The following ZNF234 variants were observed in gnomAD, a reference collection of about 807,000 sequenced individuals.
ZNF234 encodes C2-H2 type zinc finger protein.
In ZNF234, 4 loss-of-function variants were observed where a neutral mutation model predicts 10.3. The ratio of observed to expected loss-of-function variants is 0.39; its 90% confidence interval spans 0.19 to 0.89. ZNF234 has a LOEUF of 0.89. Among genes scored for constraint, ZNF234 ranks in the 40% least tolerant of loss-of-function variants. The probability of loss-of-function intolerance (pLI) is 0.38; values close to 1 mark genes in which losing one functional copy is unlikely to be tolerated. For synonymous variants in ZNF234, 258 were observed against 280.1 expected, an observed-to-expected ratio of 0.92 and a Z score of 0.79; for missense variants, 711 against 836.1, an observed-to-expected ratio of 0.85 and a Z score of 1.85.
chr19:44,146,164 G>A (rs934085854), intron 3 of ZNF234, among the ~76,000 whole-genome samples: 1 of 152,278 alleles, frequency 6.6e-6, no homozygotes, highest in Non-Finnish European at 1.5e-5. Flanking sequence ...GGGTGATAAC[G>A]TCCACAGGTA....
chr19:44,149,256 AT>A (rs1267573565), intron 4 of ZNF234, among the ~76,000 whole-genome samples: 1 of 152,064 alleles, frequency 6.6e-6, no homozygotes, highest in Non-Finnish European at 1.5e-5. Context: ...CCTGGCCAAC[AT>A]GATGAAACTC....
intron 4 of ZNF234, among the ~76,000 whole-genome samples, chr19:44,150,172 C>T (rs1332571836): frequency 6.6e-6 from 1 of 152,184 alleles, no homozygotes; most frequent in Non-Finnish European, 1.5e-5. Context: ...AGACCCTTCC[C>T]TTGCTGTCTA....
In ZNF234 at chr19:44,158,030, A is replaced by T. The variant is rs1968950982; in HGVS notation, c.2014A>T (p.Lys672Ter). 11 of 1,613,940 alleles carry T rather than the reference A, an allele frequency of 6.8e-6. No individual in the cohort carries two copies. The East Asian group carries it at 2.5e-4, about 36-fold the overall frequency. ...SWRSNLVSHHKIHAAGTFYEN... is the reference protein window; with the variant it reads ...SWRSNLVSHH ...GCGATCAAATCTTGTAAGTCATCAC[A>T]AAATTCATGCTGCTGGTACATTTTA... Residue 672 changes from lysine to a stop codon, truncating the protein, a stop_gained, in exon 6 of 6, where the codon AAA becomes TAA. Transcript: ENST00000426739. LOFTEE classifies it low-confidence loss of function (END_TRUNC).
At chr19:44,147,367 C>T (rs1160415729) in intron 3 of ZNF234, among the ~76,000 whole-genome samples, 1 of 151,516 alleles carries the variant, frequency 6.6e-6, no homozygotes, top group African/African-American at 2.4e-5. Flanking sequence ...CTCCTGAGTA[C>T]CTGGGACCAC....
intron 5 of ZNF234, among the ~76,000 whole-genome samples, chr19:44,152,409 T>A (rs1968764432): frequency 6.6e-6 from 1 of 152,188 alleles, no homozygotes; most frequent in African/African-American, 2.4e-5. Flanking sequence ...CTAGGACAGG[T>A]CATACACAAA....
At chr19:44,149,063 T>C (rs1968670854) in intron 4 of ZNF234, among the ~76,000 whole-genome samples, 166 bp downstream of exon 4, 1 of 152,202 alleles carries the variant, frequency 6.6e-6, no homozygotes, top group South Asian at 2.1e-4. Flanking sequence ...ATATCAGAGT[T>C]CACTAAAATT....
At position 44,157,842 on chromosome 19, in the gene ZNF234, C is replaced by T; in HGVS notation, c.1826C>T (p.Ser609Leu). The T allele has an allele frequency of 6.2e-7, 1 of 1,614,132 alleles. No individual in the cohort carries two copies. Among genetic ancestry groups the T allele is most frequent in the Non-Finnish European group, 8.5e-7 (1 of 1,180,028 alleles). The part of the protein sequence containing the change: ...GECGKHFSQA[S>L]SLQLHQSVHT... ...TGTGGGAAGCACTTCAGTCAGGCCT[C>T]AAGTCTCCAACTTCATCAGAGTGTC... Residue 609 changes from serine to leucine, a missense_variant, in exon 6 of 6, where the codon TCA becomes TTA. Transcript: ENST00000426739.
In ZNF234 at chr19:44,157,529, A is replaced by T; in HGVS notation, c.1513A>T (p.Ile505Phe). The change falls in exon 6 of 6, where the codon ATC (isoleucine) becomes TTC (phenylalanine). Residue 505 changes from isoleucine to phenylalanine, a missense_variant. By Grantham distance (21) the Ile-to-Phe change is conservative. Transcript: ENST00000426739. The part of the protein sequence containing the change: ...RRADLKIHCR[I>F]HTGEKPYNCE... ...AGCAGATCTTAAAATTCATTGTAGG[A>T]TCCACACAGGGGAGAAACCATATAA... 3.1e-6 allele frequency: 5 copies of T among 1,613,680 alleles called. No homozygotes were observed. Among genetic ancestry groups the T allele is most frequent in the Non-Finnish European group, 4.2e-6 (5 of 1,179,882 alleles).
At chr19:44,151,966 G>A (rs780607019) in intron 5 of ZNF234, among the ~76,000 whole-genome samples, 1 of 152,154 alleles carries the variant, frequency 6.6e-6, no homozygotes, top group Non-Finnish European at 1.5e-5. Flanking sequence ...ATTAGAACGT[G>A]GATTCTTTGG....
chr19:44,153,069 C>T (rs1599699423), intron 5 of ZNF234, among the ~76,000 whole-genome samples: 2 of 150,938 alleles, frequency 1.3e-5, no homozygotes, highest in South Asian at 2.1e-4. Context: ...GAAGAAACTT[C>T]TTGCTCAAAA....
At chr19:44,148,687 C>T (rs575006899) in intron 3 of ZNF234, 84 bp from the exon 4 acceptor site, 5 of 1,587,864 alleles carry the variant, frequency 3.1e-6, no homozygotes, top group Non-Finnish European at 4.3e-6. Flanking sequence ...ACCAGCTCCC[C>T]CTACATACTC....
chr19:44,144,818 G>A (rs1968552273), intron 3 of ZNF234, among the ~76,000 whole-genome samples, 171 bp downstream of exon 3: 1 of 152,120 alleles, frequency 6.6e-6, no homozygotes, highest in Non-Finnish European at 1.5e-5. Context: ...TATTTCAGTT[G>A]ACCTTCTGTA....
Position 44,156,811 on chromosome 19 carries a change from T to C in ZNF234, c.795T>C (p.Cys265=). 2 of 1,609,430 alleles carry C rather than the reference T, an allele frequency of 1.2e-6. No individual in the cohort carries two copies. Among genetic ancestry groups the C allele is most frequent in the Middle Eastern group, 3.3e-4 (2 of 6,034 alleles). The change falls in exon 6 of 6, where the codon TGT becomes TGC. Residue 265 remains cysteine, a synonymous_variant. Coordinates refer to ENST00000426739, the MANE Select transcript of ZNF234 (RefSeq NM_006630.3). Reference sequence around the variant, plus strand: ...AGAAACCTTACAATTGTGAGGAATGTGGAAGGGCCTTCATACATGCTTCCC... The same window carrying C: ...AGAAACCTTACAATTGTGAGGAATGCGGAAGGGCCTTCATACATGCTTCCC... The part of the protein sequence containing the change: ...SGEKPYNCEE[C]GRAFIHASHL...
intron 5 of ZNF234, among the ~76,000 whole-genome samples, chr19:44,154,177 G>A (rs1968815376): frequency 2.0e-5 from 3 of 152,178 alleles, no homozygotes; most frequent in Admixed American, 2.0e-4. Flanking sequence ...CATCCATCTC[G>A]CTATCTGGGA....
rs376282922 is a variant in ZNF234, at chr19:44,157,267, G to A, written c.1251G>A (p.Val417=). The A allele has an allele frequency of 2.5e-6, 4 of 1,613,836 alleles. No individual in the cohort carries two copies. The African/African-American group carries it at 5.3e-5, about 22-fold the overall frequency. Reference sequence around the variant, plus strand: ...TCAGAATGAAAATTCATTATCAAGTGCATCTGGTAGTCCACACAGGGGAAA... The same window carrying A: ...TCAGAATGAAAATTCATTATCAAGTACATCTGGTAGTCCACACAGGGGAAA... ...KSFRMKIHYQ[V]HLVVHTGEKP... Residue 417 remains valine, a synonymous_variant, in exon 6 of 6, where the codon GTG becomes GTA. Coordinates refer to ENST00000426739, the MANE Select transcript of ZNF234 (RefSeq NM_006630.3).
chr19:44,158,544 TC>T lies in ZNF234; in HGVS notation c.*427del. 1 of 224,582 alleles carries T rather than the reference TC, an allele frequency of 4.5e-6. No individual in the cohort carries two copies. 13.9% of individuals were successfully genotyped at this position (224,582 alleles called of 1,614,324 possible). On this transcript the variant is annotated 3_prime_UTR_variant, in exon 6 of 6. Coordinates refer to ENST00000426739, the MANE Select transcript of ZNF234 (RefSeq NM_006630.3). ...CAGGCATGAGCCACCGCCCCTGGCC[TC>T]CATCTAGACTTTGAAATGATTGCCT... is the stretch of plus-strand genomic sequence containing the variant.
chr19:44,146,325 G>A (rs1054341070), intron 3 of ZNF234, among the ~76,000 whole-genome samples: 4 of 152,138 alleles, frequency 2.6e-5, no homozygotes, highest in East Asian at 3.8e-4. Context: ...GTGGTTTCTC[G>A]GGTATATACC....
At position 44,159,866 on chromosome 19, in the gene ZNF234, T is replaced by C; in HGVS notation, c.*1747T>C. The C allele has an allele frequency of 5.7e-6, 1 of 176,118 alleles. No homozygotes were observed. Among genetic ancestry groups the C allele is most frequent in the Non-Finnish European group, 1.2e-5 (1 of 80,056 alleles). 10.9% of individuals were successfully genotyped at this position (176,118 alleles called of 1,614,324 possible). ...CTGACCAACATGGTGAAACCCCATC[T>C]CTACTAAATACAAAAATTAGCTGGG... On this transcript the variant is annotated 3_prime_UTR_variant, in exon 6 of 6. Transcript: ENST00000426739.
At chr19:44,152,043 T>C (rs893806759) in intron 5 of ZNF234, among the ~76,000 whole-genome samples, 2 of 152,168 alleles carry the variant, frequency 1.3e-5, no homozygotes, top group African/African-American at 4.8e-5. Context: ...TGTCTTTGCC[T>C]GGAAAAACTC....
Sources: allele counts gnomAD v4.1 joint callset (sites outside exome capture counted in the v4.1 genomes callset), GRCh38; gene constraint gnomAD v4.1.1; transcripts MANE v1.5; gene names NCBI Gene and HGNC (gene_info 2026-07-23, HGNC 2026-07-21).